Variants in NEGR1 observed in about 807,000 individuals in gnomAD.
NEGR1 encodes the protein neuronal growth regulator 1.
In NEGR1, 10 loss-of-function variants were observed where a neutral mutation model predicts 40.9. The observed-to-expected ratio is 0.24, with a 90% CI of 0.15 to 0.42. The LOEUF (loss-of-function observed/expected upper bound fraction) is 0.42. Ranked by LOEUF, NEGR1 falls within the 10% of genes least tolerant of loss-of-function variation. The pLI is 1.00. For synonymous variants in NEGR1, 185 were observed against 166.8 expected, an observed-to-expected ratio of 1.11 and a Z score of -0.84; for missense variants, 352 against 438.9, an observed-to-expected ratio of 0.80 and a Z score of 1.77.
chr1:72,042,435 A>G (rs1234143297), intron 1 of NEGR1, among the ~76,000 whole-genome samples: 1 of 152,000 alleles, frequency 6.6e-6, no homozygotes, highest in African/African-American at 2.4e-5. Context: ...AAGGAAACAC[A>G]ACTGATTACT....
At chr1:71,799,585 G>T (rs1252116062) in intron 2 of NEGR1, among the ~76,000 whole-genome samples, 1 of 152,134 alleles carries the variant, frequency 6.6e-6, no homozygotes, top group Non-Finnish European at 1.5e-5. Context: ...GGATCAAATG[G>T]TATTTCTGGT....
intron 1 of NEGR1, among the ~76,000 whole-genome samples, chr1:72,213,421 T>C (rs2100466996): frequency 6.6e-6 from 1 of 152,028 alleles, no homozygotes; most frequent in Middle Eastern, 3.4e-3. Context: ...TTATGCAGTT[T>C]AAAAAATCTT....
At chr1:71,694,827 C>A (rs1330876274) in intron 4 of NEGR1, among the ~76,000 whole-genome samples, 1 of 151,748 alleles carries the variant, frequency 6.6e-6, no homozygotes. Flanking sequence ...GGCAAAGTTT[C>A]TCTTCAAATT....
chr1:72,097,330 C>T (rs1263824508), intron 1 of NEGR1, among the ~76,000 whole-genome samples: 2 of 152,132 alleles, frequency 1.3e-5, no homozygotes, highest in Non-Finnish European at 2.9e-5. Flanking sequence ...GTGGCTACAA[C>T]ATATCTGATA....
chr1:72,020,606 A>G (rs1486644618), intron 1 of NEGR1, among the ~76,000 whole-genome samples: 1 of 151,666 alleles, frequency 6.6e-6, no homozygotes, highest in East Asian at 2.0e-4. Flanking sequence ...ACAGAAAAAG[A>G]TATGTCAGGC....
chr1:71,682,308 T>C (rs887154807), intron 4 of NEGR1, among the ~76,000 whole-genome samples: 8 of 152,318 alleles, frequency 5.3e-5, no homozygotes, highest in African/African-American at 1.4e-4. Context: ...TGTTTGCTCA[T>C]ATTCAAGGTT....
intron 6 of NEGR1, among the ~76,000 whole-genome samples, chr1:71,540,105 T>C (rs960517795): frequency 2.7e-5 from 4 of 150,820 alleles, no homozygotes; most frequent in African/African-American, 9.9e-5. Flanking sequence ...CATACAGCAC[T>C]CTGAGGCTAA....
chr1:72,256,947 G>A (rs2039801496), intron 1 of NEGR1, among the ~76,000 whole-genome samples: 1 of 151,990 alleles, frequency 6.6e-6, no homozygotes, highest in Non-Finnish European at 1.5e-5. Flanking sequence ...GTTTCTAGAA[G>A]TAACACAAAC....
chr1:72,266,562 G>T (rs1432863436), intron 1 of NEGR1, among the ~76,000 whole-genome samples: 1 of 150,626 alleles, frequency 6.6e-6, no homozygotes, highest in African/African-American at 2.4e-5. Context: ...TACAAGAAAG[G>T]AACTTCTTTA....
intron 1 of NEGR1, among the ~76,000 whole-genome samples, chr1:72,224,503 G>T (rs569916946): frequency 1.3e-5 from 2 of 151,978 alleles, no homozygotes; most frequent in Non-Finnish European, 2.9e-5. Context: ...CTGTTTACAC[G>T]CAATATTTTA....
intron 2 of NEGR1, among the ~76,000 whole-genome samples, chr1:71,849,074 G>A (rs1025039936): frequency 1.6e-4 from 24 of 150,906 alleles, no homozygotes; most frequent in African/African-American, 5.9e-4. Flanking sequence ...GGGTGACAGA[G>A]CAAGACTCTG....
intron 1 of NEGR1, among the ~76,000 whole-genome samples, chr1:72,045,074 C>T (rs1396332383): frequency 6.6e-6 from 1 of 151,684 alleles, no homozygotes; most frequent in Non-Finnish European, 1.5e-5. Flanking sequence ...AATTCCTAGC[C>T]CTATCTTGTC....
chr1:71,449,547 A>G (rs1646609042), intron 6 of NEGR1, among the ~76,000 whole-genome samples: 1 of 152,238 alleles, frequency 6.6e-6, no homozygotes, highest in Non-Finnish European at 1.5e-5. Flanking sequence ...GCAGATAAAG[A>G]TAACTATAAT....
At chr1:71,545,703 C>T (rs540850663) in intron 6 of NEGR1, among the ~76,000 whole-genome samples, 1 of 151,652 alleles carries the variant, frequency 6.6e-6, no homozygotes, top group Non-Finnish European at 1.5e-5. Flanking sequence ...CGACAAGGAG[C>T]AGGGCATTAC....
At chr1:72,071,048 A>G (rs1189406613) in intron 1 of NEGR1, among the ~76,000 whole-genome samples, 1 of 152,112 alleles carries the variant, frequency 6.6e-6, no homozygotes, top group African/African-American at 2.4e-5. Flanking sequence ...ATTAACAACT[A>G]GAGAACAGCA....
At chr1:72,273,736 GTAATTTAAA>G (rs752563861) in intron 1 of NEGR1, among the ~76,000 whole-genome samples, 1 of 151,536 alleles carries the variant, frequency 6.6e-6, no homozygotes, top group South Asian at 2.1e-4. Context: ...ACTGTGTCCT[GTAATTTAAA>G]TAATTTAAAT....
intron 1 of NEGR1, among the ~76,000 whole-genome samples, chr1:72,270,888 GCC>G (rs1272184175): frequency 6.6e-6 from 1 of 151,776 alleles, no homozygotes; most frequent in Admixed American, 6.6e-5. Flanking sequence ...CAAATGTGAA[GCC>G]AAGTGCCAAT....
chr1:71,997,386 A>G (rs1179567397), intron 1 of NEGR1, among the ~76,000 whole-genome samples: 1 of 152,044 alleles, frequency 6.6e-6, no homozygotes, highest in East Asian at 1.9e-4. Flanking sequence ...ATATCATAGC[A>G]CCAATTATAC....
At chr1:71,688,676 C>T (rs1653147474) in intron 4 of NEGR1, among the ~76,000 whole-genome samples, 1 of 151,804 alleles carries the variant, frequency 6.6e-6, no homozygotes, top group Non-Finnish European at 1.5e-5. Context: ...AGGCTGGTCT[C>T]GAACTCCTAA....
Sources: allele counts gnomAD v4.1 joint callset (sites outside exome capture counted in the v4.1 genomes callset), GRCh38; gene constraint gnomAD v4.1.1; transcripts MANE v1.5; gene names NCBI Gene and HGNC (gene_info 2026-07-23, HGNC 2026-07-21).